ZNF536: variants seen among roughly 807,000 people sequenced by gnomAD.
ZNF536 encodes zinc finger protein 536.
A neutral mutation model predicts 84.5 loss-of-function variants in ZNF536; 13 were observed. That is an observed-to-expected ratio of 0.15 (90% CI 0.10 to 0.24). The LOEUF is 0.24. Among genes scored for constraint, ZNF536 ranks in the 10% least tolerant of loss-of-function variants. ZNF536 has a pLI of 1.00. For synonymous variants in ZNF536, 811 were observed against 742.5 expected (o/e 1.09, Z -1.50); for missense variants, 1,536 against 1,747.5 (o/e 0.88, Z 2.16).
intron 1 of ZNF536, among the ~76,000 whole-genome samples, chr19:30,664,248 CTCTCTCTCTCTCT>C: frequency 6.7e-6 from 1 of 148,538 alleles, no homozygotes; most frequent in Admixed American, 6.8e-5. Context: ...CTCTCTCTCT[CTCTCTCTCTCTCT>C]CCCTCTCCCT....
intron 2 of ZNF536, among the ~76,000 whole-genome samples, chr19:30,459,086 C>G (rs2053008755): frequency 6.6e-6 from 1 of 152,194 alleles, no homozygotes; most frequent in Non-Finnish European, 1.5e-5. Context: ...GTGTTTGCCT[C>G]TCTTTATAAA....
chr19:30,370,543 C>T (rs1242538405), upstream of ZNF536, among the ~76,000 whole-genome samples: 1 of 152,146 alleles, frequency 6.6e-6, no homozygotes, highest in Non-Finnish European at 1.5e-5. Context: ...CACTTTTATG[C>T]ACAATCCAGG....
intron 2 of ZNF536, among the ~76,000 whole-genome samples, chr19:30,346,494 C>A (rs2047746726): frequency 2.0e-5 from 3 of 152,136 alleles, no homozygotes; most frequent in Non-Finnish European, 4.4e-5. Context: ...CTCCTCCCAC[C>A]CTCCACCCTC....
intron 2 of ZNF536, among the ~76,000 whole-genome samples, chr19:30,285,381 C>T (rs575629757): frequency 6.6e-6 from 1 of 152,282 alleles, no homozygotes; most frequent in East Asian, 1.9e-4. Context: ...GTCCAACCAT[C>T]CCAGTGATCT....
intron 1 of ZNF536, among the ~76,000 whole-genome samples, chr19:30,426,777 G>A (rs1600685770): frequency 6.6e-6 from 1 of 152,306 alleles, no homozygotes; most frequent in Admixed American, 6.5e-5. Flanking sequence ...TGAGAGGTGA[G>A]CGTGGGGCCC....
At chr19:30,633,741 T>A (rs761444849) in intron 1 of ZNF536, among the ~76,000 whole-genome samples, 4 of 152,188 alleles carry the variant, frequency 2.6e-5, no homozygotes, top group Admixed American at 6.5e-5. Context: ...TTTTTTAAAT[T>A]TTTTAATTTT....
intron 2 of ZNF536, among the ~76,000 whole-genome samples, chr19:30,296,925 G>A (rs955177292): frequency 9.9e-5 from 15 of 152,172 alleles, no homozygotes; most frequent in Admixed American, 3.3e-4. Context: ...CCTCGCCTCC[G>A]TATTTACAGC....
At position 30,445,426 on chromosome 19, in the gene ZNF536, G is replaced by T. The variant is rs1276948635; in HGVS notation, c.1864G>T (p.Gly622Cys). ...CCAGACTCTCGAGTATAACCTGCAG[G>T]GTCCTGGGAACATGAAGGAGAAGCC... ...LNQTLEYNLQ[G>C]PGNMKEKPTE... Residue 622 changes from glycine to cysteine, a missense_variant, in exon 2 of 5, where the codon GGT (glycine) becomes TGT (cysteine). Around this residue, in one of 8 missense-constraint regions of ZNF536, gnomAD observed 366 missense variants for 364.4 expected, o/e 1.00. Coordinates refer to ENST00000355537, the MANE Select transcript of ZNF536 (RefSeq NM_014717.3). The surrounding 1 kb of genome is among the most constrained non-coding windows in gnomAD (Gnocchi z 4.5). The T allele has an allele frequency of 6.2e-7, 1 of 1,614,172 alleles. No homozygotes were observed. Among genetic ancestry groups the T allele is most frequent in the Admixed American group, 1.7e-5 (1 of 60,024 alleles).
chr19:30,294,166 G>A lies in ZNF536; in HGVS notation c.-120+10025G>A, dbSNP rs538619834. Reference sequence around the variant, plus strand: ...CCCTGTGCTCAGCTCTAGAGGGTGGGGTGTGGCCCCCAACACAGAGGAGCT... The same window carrying A: ...CCCTGTGCTCAGCTCTAGAGGGTGGAGTGTGGCCCCCAACACAGAGGAGCT... On this transcript the variant is annotated intron_variant, in intron 2 of 5. Transcript: ENST00000585628. Among the ~76,000 whole-genome samples, 4 of 152,228 alleles carry A rather than the reference G, an allele frequency of 2.6e-5. No individual in the cohort carries two copies. In the East Asian group the frequency reaches 7.7e-4, roughly 29 times the overall value.
chr19:30,407,578 T>G (rs190463778), intron 1 of ZNF536, among the ~76,000 whole-genome samples: 89 of 152,304 alleles, frequency 5.8e-4, no homozygotes, highest in African/African-American at 2.0e-3. Context: ...CAGGCTTCAC[T>G]TTGGGGTTTC....
At chr19:30,592,659 G>A (rs1319991252) in intron 1 of ZNF536, among the ~76,000 whole-genome samples, 1 of 151,286 alleles carries the variant, frequency 6.6e-6, no homozygotes, top group Non-Finnish European at 1.5e-5. Context: ...GAAATGAAAA[G>A]CAAATGTCTC....
chr19:30,444,947 A>G lies in ZNF536; in HGVS notation c.1385A>G (p.Glu462Gly), dbSNP rs749144636. The G allele has an allele frequency of 1.9e-6, 3 of 1,611,774 alleles. No homozygotes were observed. The highest frequency in any genetic ancestry group is 2.5e-6 in the Non-Finnish European group (3 of 1,179,120). ...GGCAAGGGCGAGCTGCCCATGAAGGAGAAGGAAGCGCTGGGGAAGCTGCTG... is the reference window on the plus strand; with the variant it reads ...GGCAAGGGCGAGCTGCCCATGAAGGGGAAGGAAGCGCTGGGGAAGCTGCTG... Reference protein sequence around the residue: ...LYGKGELPMKEKEALGKLLSP... With the variant: ...LYGKGELPMKGKEALGKLLSP... The change falls in exon 2 of 5, where the codon GAG (glutamate) becomes GGG (glycine). Residue 462 changes from glutamate to glycine, a missense_variant. Transcript: ENST00000355537.
intron 1 of ZNF536, among the ~76,000 whole-genome samples, chr19:30,633,800 C>G (rs1308673273): frequency 6.6e-6 from 1 of 151,972 alleles, no homozygotes; most frequent in Non-Finnish European, 1.5e-5. Flanking sequence ...TCTTGAACTC[C>G]TAGGCTCATT....
At chr19:30,310,874 A>G (rs960553690) in intron 2 of ZNF536, among the ~76,000 whole-genome samples, 2 of 152,226 alleles carry the variant, frequency 1.3e-5, no homozygotes, top group Admixed American at 6.5e-5. Context: ...CACAGGGACC[A>G]TGGGCTGTGG....
At chr19:30,698,228 G>T (rs899313713) in intron 1 of ZNF536, among the ~76,000 whole-genome samples, 1 of 151,834 alleles carries the variant, frequency 6.6e-6, no homozygotes, top group Non-Finnish European at 1.5e-5. Flanking sequence ...GGAGGTGGAC[G>T]CTGCAGTGAA....
intron 2 of ZNF536, among the ~76,000 whole-genome samples, chr19:30,286,618 G>C (rs1343139490): frequency 1.3e-5 from 2 of 152,076 alleles, no homozygotes; most frequent in Non-Finnish European, 2.9e-5. Context: ...GAGACAGAGA[G>C]AGAGAGAAAT....
chr19:30,440,789 G>A (rs2052001116), intron 1 of ZNF536, among the ~76,000 whole-genome samples: 1 of 152,082 alleles, frequency 6.6e-6, no homozygotes. Context: ...GGGGCAGCAT[G>A]CATGTTCTAG....
At chr19:30,704,847 C>A (rs144473769) in intron 1 of ZNF536, among the ~76,000 whole-genome samples, 97 of 151,900 alleles carry the variant, frequency 6.4e-4, no homozygotes, top group Non-Finnish European at 1.4e-3. Context: ...GCCCCTCTTG[C>A]TGCTGCTGCC....
intron 2 of ZNF536, among the ~76,000 whole-genome samples, chr19:30,289,502 G>T (rs546455971): frequency 1.2e-4 from 18 of 152,290 alleles, no homozygotes; most frequent in African/African-American, 4.3e-4. Context: ...CCACCCCGGG[G>T]GCCCCCGTGC....
Sources: allele counts gnomAD v4.1 joint callset (sites outside exome capture counted in the v4.1 genomes callset), GRCh38; gene constraint gnomAD v4.1.1; regional missense constraint gnomAD v4.1.1; non-coding constraint Gnocchi (gnomAD v3.1); transcripts MANE v1.5; gene names NCBI Gene and HGNC (gene_info 2026-07-23, HGNC 2026-07-21).